SLC25A30: variants seen among roughly 807,000 people sequenced by gnomAD.
SLC25A30 encodes the protein kidney mitochondrial carrier protein 1.
Under a neutral mutation model 42.7 loss-of-function variants are expected in SLC25A30, and 29 were observed. That is an observed-to-expected ratio of 0.68 (90% CI 0.51 to 0.93). SLC25A30 has a LOEUF of 0.93. Ranked by LOEUF, SLC25A30 falls within the 40% of genes least tolerant of loss-of-function variation. SLC25A30 has a pLI of 0.00. For missense variants in SLC25A30, 300 were observed against 359.7 expected, an observed-to-expected ratio of 0.83 and a Z score of 1.34; for synonymous variants, 124 against 131.0, an observed-to-expected ratio of 0.95 and a Z score of 0.37.
At chr13:45,411,941 G>A (rs1883063006) in intron 1 of SLC25A30, 1 of 103,460 alleles carries the variant, frequency 9.7e-6, no homozygotes, top group Admixed American at 1.4e-4. Flanking sequence ...GTAACACCCT[G>A]TGTCAAAAAA....
upstream of SLC25A30, among the ~76,000 whole-genome samples, chr13:45,421,002 A>G (rs759918085): frequency 1.3e-5 from 2 of 152,104 alleles, no homozygotes; most frequent in Non-Finnish European, 2.9e-5. Context: ...GGTTCCTCCA[A>G]GGGTCTTGGC....
At chr13:45,424,636 T>C in the SLC25A30 span, among the ~76,000 whole-genome samples, 1 of 43,530 alleles carries the variant, frequency 2.3e-5, no homozygotes, top group Non-Finnish European at 3.8e-5. Flanking sequence ...TAAATATGTA[T>C]ATAAACATAA....
At chr13:45,421,895 C>T (rs992701806), upstream of SLC25A30, among the ~76,000 whole-genome samples, 3 of 152,128 alleles carry the variant, frequency 2.0e-5, no homozygotes, top group Admixed American at 2.0e-4. Flanking sequence ...ATGCACTTGC[C>T]CCTCAATCCT....
the SLC25A30 span, among the ~76,000 whole-genome samples, chr13:45,425,089 A>ATATATAC: frequency 9.6e-3 from 20 of 2,090 alleles, no homozygotes; most frequent in Non-Finnish European, 0.034. Flanking sequence ...TAAATATATA[A>ATATATAC]ATATATTTAT....
chr13:45,412,442 C>G (rs927012140), intron 1 of SLC25A30, among the ~76,000 whole-genome samples: 1 of 152,114 alleles, frequency 6.6e-6, no homozygotes, highest in Non-Finnish European at 1.5e-5. Flanking sequence ...GCTCACTTCT[C>G]TTAGCCTTAT....
chr13:45,424,519 A>G, the SLC25A30 span, among the ~76,000 whole-genome samples: 1 of 76,516 alleles, frequency 1.3e-5, no homozygotes. Context: ...ATATATAAAT[A>G]TATAAAAATA....
rs1026579296 is a variant in SLC25A30, at chr13:45,393,739, C to T, written c.*2235G>A. 2.0e-6 allele frequency: 2 copies of T among 985,214 alleles called. No homozygotes were observed. The highest frequency in any genetic ancestry group is 2.4e-6 in the Non-Finnish European group (2 of 829,908). 61.0% of individuals were successfully genotyped at this position (985,214 alleles called of 1,614,324 possible). On this transcript the variant is annotated 3_prime_UTR_variant, in exon 10 of 10. Coordinates refer to ENST00000519676, the MANE Select transcript of SLC25A30 (RefSeq NM_001010875.4). ...AACTCTTTCAAAAAAACAGAAAAAGCAGGTTAAGATCCTGTTCAATAAGGC... is the reference window on the plus strand; with the variant it reads ...AACTCTTTCAAAAAAACAGAAAAAGTAGGTTAAGATCCTGTTCAATAAGGC...
chr13:45,396,127 C>T (rs546545644), intron 9 of SLC25A30, 112 bp from the exon 10 acceptor site: 27 of 1,605,254 alleles, frequency 1.7e-5, no homozygotes, highest in East Asian at 2.2e-5. Context: ...GGCAGACCCA[C>T]GCTATGGACA....
upstream of SLC25A30, among the ~76,000 whole-genome samples, chr13:45,419,302 C>T (rs977086148): frequency 6.6e-6 from 1 of 151,094 alleles, no homozygotes; most frequent in African/African-American, 2.4e-5. Context: ...TGTGTTCAAG[C>T]ATACCCAGGT....
At chr13:45,417,971 C>G (rs574535482) in intron 1 of SLC25A30, among the ~76,000 whole-genome samples, 1 of 152,268 alleles carries the variant, frequency 6.6e-6, no homozygotes, top group African/African-American at 2.4e-5. Context: ...CGTTAGCAGA[C>G]GCGGAGATGC....
intron 1 of SLC25A30, among the ~76,000 whole-genome samples, chr13:45,415,798 T>A (rs1403543431): frequency 1.7e-4 from 8 of 46,488 alleles, no homozygotes; most frequent in Non-Finnish European, 3.6e-4. Context: ...GCTGAATAAT[T>A]TTTTTTTTTT....
chr13:45,399,792 C>A (rs1223330642), intron 7 of SLC25A30, among the ~76,000 whole-genome samples: 2 of 151,816 alleles, frequency 1.3e-5, no homozygotes, highest in Non-Finnish European at 2.9e-5. Context: ...AAAAAGATCT[C>A]CTTACTATAA....
chr13:45,396,502 G>A (rs867097031), intron 9 of SLC25A30: 24 of 303,842 alleles, frequency 7.9e-5, no homozygotes, highest in Middle Eastern at 1.6e-3. Flanking sequence ...TCACGGGCGC[G>A]GTGGCTCACG....
chr13:45,432,832 C>T, the SLC25A30 span, among the ~76,000 whole-genome samples: 1 of 150,438 alleles, frequency 6.6e-6, no homozygotes, highest in Non-Finnish European at 1.5e-5. Flanking sequence ...AGTTCAAGAC[C>T]AGACTTGGCA....
intron 3 of SLC25A30, 79 bp from the exon 4 acceptor site, chr13:45,406,056 C>T: frequency 7.8e-7 from 1 of 1,289,346 alleles, no homozygotes; most frequent in Admixed American, 1.9e-5. Flanking sequence ...ATGCAGAGTG[C>T]CATCCATAAT....
intron 5 of SLC25A30, among the ~76,000 whole-genome samples, chr13:45,403,405 T>C (rs960034041): frequency 2.0e-5 from 3 of 152,134 alleles, no homozygotes; most frequent in Non-Finnish European, 4.4e-5. Flanking sequence ...GATAGAAGCA[T>C]AGAATACTAG....
At chr13:45,424,930 A>T in the SLC25A30 span, among the ~76,000 whole-genome samples, 1 of 68,776 alleles carries the variant, frequency 1.5e-5, no homozygotes, top group South Asian at 4.7e-4. Context: ...ATATAAATAT[A>T]TAAATATTTA....
rs1881274446 is a variant in SLC25A30 at position 45,395,939 on chromosome 13, A to G, written c.*35T>C. On this transcript the variant is annotated 3_prime_UTR_variant, in exon 10 of 10. Transcript: ENST00000519676. ...AAGCTTTGCTGTTTCAGAAGTTACC[A>G]TTTTCAGAAAGATGTCTCATGCAGC... is the stretch of plus-strand genomic sequence containing the variant. The G allele has an allele frequency of 6.2e-7, 1 of 1,614,108 alleles. No individual in the cohort carries two copies. The highest frequency in any genetic ancestry group is 8.5e-7 in the Non-Finnish European group (1 of 1,180,004).
At chr13:45,423,947 A>C in the SLC25A30 span, among the ~76,000 whole-genome samples, 1 of 99,450 alleles carries the variant, frequency 1.0e-5, no homozygotes, top group African/African-American at 4.2e-5. Flanking sequence ...ATATATAAAA[A>C]AATATATGAA....
Sources: allele counts gnomAD v4.1 joint callset (sites outside exome capture counted in the v4.1 genomes callset), GRCh38; gene constraint gnomAD v4.1.1; transcripts MANE v1.5; gene names NCBI Gene and HGNC (gene_info 2026-07-23, HGNC 2026-07-21).